TRPC4: variants seen among roughly 807,000 people sequenced by gnomAD.
TRPC4 encodes transient receptor potential cation channel subfamily C member 4.
Under a neutral mutation model 99.4 loss-of-function variants are expected in TRPC4, and 49 were observed. The ratio of observed to expected loss-of-function variants is 0.49; its 90% CI spans 0.39 to 0.63. The LOEUF is 0.63. Among genes scored for constraint, TRPC4 ranks in the 20% least tolerant of loss-of-function variants. TRPC4 has a pLI of 0.00. For synonymous variants in TRPC4, 454 were observed against 425.9 expected, an observed-to-expected ratio of 1.07 and a Z score of -0.81; for missense variants, 898 against 1,152.9, an observed-to-expected ratio of 0.78 and a Z score of 3.20.
At chr13:37,817,054 T>C (rs557586281) in intron 1 of TRPC4, among the ~76,000 whole-genome samples, 1 of 152,096 alleles carries the variant, frequency 6.6e-6, no homozygotes, top group Non-Finnish European at 1.5e-5. Flanking sequence ...ATAAAAGGCA[T>C]CCAAATAGGA....
chr13:37,690,496 G>T (rs936567891), intron 4 of TRPC4, among the ~76,000 whole-genome samples: 1 of 152,006 alleles, frequency 6.6e-6, no homozygotes, highest in Non-Finnish European at 1.5e-5. Context: ...CACATTTTTA[G>T]TAGAGATGGG....
At chr13:37,742,051 A>G (rs1367074584) in intron 3 of TRPC4, among the ~76,000 whole-genome samples, 1 of 152,164 alleles carries the variant, frequency 6.6e-6, no homozygotes, top group East Asian at 1.9e-4. Flanking sequence ...TTGAATTGAT[A>G]GAAGATGTTT....
intron 3 of TRPC4, among the ~76,000 whole-genome samples, chr13:37,704,134 C>T (rs1159734432): frequency 6.6e-6 from 1 of 152,114 alleles, no homozygotes; most frequent in East Asian, 1.9e-4. Flanking sequence ...ACTGTATAAT[C>T]CCATTTATAT....
intron 3 of TRPC4, among the ~76,000 whole-genome samples, chr13:37,730,675 A>G (rs1334357912): frequency 1.3e-5 from 2 of 152,006 alleles, no homozygotes; most frequent in Non-Finnish European, 2.9e-5. Flanking sequence ...TAAGAAAGTA[A>G]AACAAGGTCT....
intron 10 of TRPC4, 123 bp from the exon 11 acceptor site, chr13:37,637,748 C>T: frequency 1.1e-6 from 1 of 947,876 alleles, no homozygotes; most frequent in Admixed American, 3.3e-5. Context: ...TTCTACTCTA[C>T]TGTGGTTCTA....
At chr13:37,834,581 CT>C (rs1958510375) in intron 1 of TRPC4, among the ~76,000 whole-genome samples, 1 of 152,170 alleles carries the variant, frequency 6.6e-6, no homozygotes, top group Non-Finnish European at 1.5e-5. Flanking sequence ...AGAATATGTT[CT>C]TGCCATACTT....
At chr13:37,646,535 C>G (rs189879072) in intron 8 of TRPC4, among the ~76,000 whole-genome samples, 6 of 152,190 alleles carry the variant, frequency 3.9e-5, no homozygotes, top group Non-Finnish European at 1.5e-5. Context: ...CAGCATGAAG[C>G]CTGGCTTCGT....
intron 8 of TRPC4, among the ~76,000 whole-genome samples, chr13:37,650,664 TG>T (rs1952018090): frequency 6.6e-6 from 1 of 150,810 alleles, no homozygotes; most frequent in Non-Finnish European, 1.5e-5. Flanking sequence ...CCTAAATTCT[TG>T]GCATCTAATA....
At chr13:37,752,609 T>C (rs541981168) in intron 2 of TRPC4, among the ~76,000 whole-genome samples, 1 of 150,416 alleles carries the variant, frequency 6.6e-6, no homozygotes, top group East Asian at 2.0e-4. Context: ...TCCCACACCC[T>C]TTTTCTTTGC....
chr13:37,673,977 C>T (rs971881454), intron 5 of TRPC4, among the ~76,000 whole-genome samples: 1 of 152,050 alleles, frequency 6.6e-6, no homozygotes, highest in Admixed American at 6.6e-5. Flanking sequence ...AGTTTTGAGA[C>T]ATCATTCTAC....
rs928776952 is a variant in TRPC4, at chr13:37,758,100, A to G, written c.379-11645T>C. Among the ~76,000 whole-genome samples the G allele has an allele frequency of 1.4e-4, 21 of 152,094 alleles. 1 individual carries two copies. Among genetic ancestry groups the G allele is most frequent in the Middle Eastern group, 6.8e-3 (2 of 294 alleles). ...ATATTATTTTAAAATCATTGTATAT[A>G]TAACAACTTTTATTTGTTGCAGTTC... On this transcript the variant is annotated intron_variant, in intron 2 of 10. Coordinates refer to ENST00000379705, the MANE Select transcript of TRPC4 (RefSeq NM_016179.4).
At chr13:37,678,938 T>A (rs7320775) in intron 4 of TRPC4, among the ~76,000 whole-genome samples, 43,628 of 152,002 alleles carry the variant, frequency 0.29, 6,920 homozygotes, top group Non-Finnish European at 0.36. Flanking sequence ...TAAAAATCAA[T>A]CAGCATAATT....
intron 7 of TRPC4, among the ~76,000 whole-genome samples, chr13:37,654,546 G>T (rs1304857094): frequency 1.3e-5 from 2 of 152,124 alleles, no homozygotes; most frequent in African/African-American, 4.8e-5. Context: ...ACGTTGTTTA[G>T]ATTCCAGAGT....
At chr13:37,812,497 T>C (rs1957731758) in intron 1 of TRPC4, among the ~76,000 whole-genome samples, 2 of 152,096 alleles carry the variant, frequency 1.3e-5, no homozygotes, top group African/African-American at 4.8e-5. Flanking sequence ...GTAAAATATA[T>C]TGGATCATTG....
At chr13:37,726,652 C>T (rs900003814) in intron 3 of TRPC4, among the ~76,000 whole-genome samples, 13 of 152,162 alleles carry the variant, frequency 8.5e-5, no homozygotes, top group South Asian at 2.1e-4. Flanking sequence ...TCCAACTCAA[C>T]GGACAGGAAT....
At chr13:37,738,781 G>A (rs2139121524) in intron 3 of TRPC4, among the ~76,000 whole-genome samples, 1 of 152,306 alleles carries the variant, frequency 6.6e-6, no homozygotes. Flanking sequence ...ACTCTAAGCA[G>A]TGACGGTGGG....
intron 2 of TRPC4, among the ~76,000 whole-genome samples, chr13:37,748,707 T>C (rs1955853106): frequency 6.6e-6 from 1 of 151,868 alleles, no homozygotes; most frequent in Non-Finnish European, 1.5e-5. Flanking sequence ...ATAAAATATA[T>C]CTTTGTAGAA....
At chr13:37,736,767 C>T (rs1955407232) in intron 3 of TRPC4, among the ~76,000 whole-genome samples, 1 of 151,954 alleles carries the variant, frequency 6.6e-6, no homozygotes, top group South Asian at 2.1e-4. Context: ...CTCACTCTGT[C>T]ACCCAGGCTG....
At chr13:37,804,031 A>G (rs1957469971) in intron 1 of TRPC4, among the ~76,000 whole-genome samples, 1 of 152,156 alleles carries the variant, frequency 6.6e-6, no homozygotes, top group South Asian at 2.1e-4. Context: ...CCTAGAAGCC[A>G]CAAAATCAAA....
Sources: gnomAD v4.1 joint callset for allele counts (sites outside exome capture counted in the v4.1 genomes callset) on GRCh38, gnomAD v4.1.1 for gene constraint, MANE v1.5 for transcripts, NCBI Gene and HGNC (gene_info 2026-07-23, HGNC 2026-07-21) for gene names.